The following ADAM23 variants were observed in gnomAD, a reference collection of about 807,000 sequenced individuals.
The protein encoded by ADAM23 is ADAM metallopeptidase domain 23, also known as disintegrin and metalloproteinase domain-containing protein 23.
ADAM23 carries 33 observed loss-of-function variants against 120.1 expected under a neutral mutation model. The observed-to-expected ratio is 0.27, with a 90% CI of 0.21 to 0.37. The LOEUF is 0.37. Ranked by LOEUF, ADAM23 falls within the 10% of genes least tolerant of loss-of-function variation. The probability of loss-of-function intolerance (pLI) is 1.00; values close to 1 mark genes in which losing one functional copy is unlikely to be tolerated. For missense variants in ADAM23, 862 were observed against 1,058.2 expected (o/e 0.81, Z 2.57); for synonymous variants, 367 against 375.2 (o/e 0.98, Z 0.25).
At chr2:206,554,204 A>G (rs1697592905) in intron 9 of ADAM23, among the ~76,000 whole-genome samples, 2 of 152,192 alleles carry the variant, frequency 1.3e-5, no homozygotes, top group African/African-American at 4.8e-5. Context: ...CTTATTTTCA[A>G]TAGGTATCAC....
At chr2:206,508,230 C>T (rs551237834) in intron 3 of ADAM23, among the ~76,000 whole-genome samples, 21 of 152,206 alleles carry the variant, frequency 1.4e-4, no homozygotes, top group Non-Finnish European at 2.4e-4. Context: ...GGGGTTTCAC[C>T]GTGTTAGCCA....
Position 206,563,060 on chromosome 2 carries a change from T to A in ADAM23, c.1345+767T>A, listed in dbSNP as rs546664665. Among the ~76,000 whole-genome samples, 15 of 152,360 alleles carry A rather than the reference T, an allele frequency of 9.8e-5. No homozygotes were observed. In the South Asian group the frequency reaches 1.4e-3, roughly 15 times the overall value. On this transcript the variant is annotated intron_variant, in intron 13 of 25. Transcript: ENST00000264377. ...AATCAGAATAAAAGTCAACCCAGAT[T>A]GTGTTTATCTTTATACAAACCCAGT...
At chr2:206,449,573 G>T (rs1333091969) in intron 2 of ADAM23, among the ~76,000 whole-genome samples, 4 of 152,172 alleles carry the variant, frequency 2.6e-5, no homozygotes, top group African/African-American at 4.8e-5. Flanking sequence ...TTTGAGACCA[G>T]CCTGGTCAAT....
At position 206,497,197 on chromosome 2, in the gene ADAM23, G is replaced by C. The variant is rs1046367042; in HGVS notation, c.509+15889G>C. The stretch of plus-strand genomic sequence containing the variant: ...TACCAAAGCCTGGCAGAGACACAAC[G>C]AAAAAAGAGAATTTTAGACCAATAT... On this transcript the variant is annotated intron_variant, in intron 3 of 25. Transcript: ENST00000264377. Among the ~76,000 whole-genome samples the C allele has an allele frequency of 3.3e-3, 495 of 151,800 alleles. 6 individuals carry two copies. The highest frequency in any genetic ancestry group is 0.011 in the African/African-American group (469 of 41,462).
At chr2:206,608,952 G>T (rs1698779518) in intron 24 of ADAM23, among the ~76,000 whole-genome samples, 2 of 152,246 alleles carry the variant, frequency 1.3e-5, no homozygotes, top group South Asian at 4.1e-4. Context: ...TGTTGTTAGG[G>T]GACACTGTAC....
At chr2:206,542,209 T>A (rs1697304798) in intron 5 of ADAM23, 75 bp downstream of exon 5, 1 of 1,441,144 alleles carries the variant, frequency 6.9e-7, no homozygotes, top group Admixed American at 1.7e-5. Flanking sequence ...TATATTTTAG[T>A]GACTCTTCCG....
In ADAM23 at chr2:206,476,129, C is replaced by T. The variant is rs545315484; in HGVS notation, c.433-5103C>T. On this transcript the variant is annotated intron_variant, in intron 2 of 25. Coordinates refer to ENST00000264377, the MANE Select transcript of ADAM23 (RefSeq NM_003812.4). ...CCGAGACCTGTAGCCCTCTTCTTTACGAAGTTGAATGTGAATCATTCCACT... is the reference window on the plus strand; with the variant it reads ...CCGAGACCTGTAGCCCTCTTCTTTATGAAGTTGAATGTGAATCATTCCACT... Among the ~76,000 whole-genome samples, 42 of 152,274 alleles carry T rather than the reference C, an allele frequency of 2.8e-4. 2 individuals are homozygous for T. In the South Asian group the frequency reaches 7.7e-3, roughly 28 times the overall value.
chr2:206,548,170 A>T, intron 7 of ADAM23, 111 bp from the exon 8 acceptor site: 1 of 915,862 alleles, frequency 1.1e-6, no homozygotes, highest in Non-Finnish European at 1.7e-6. Flanking sequence ...GCTTTTTTTC[A>T]CCTTAGTTTG....
intron 2 of ADAM23, among the ~76,000 whole-genome samples, chr2:206,449,689 G>C (rs910262378): frequency 6.6e-6 from 1 of 152,234 alleles, no homozygotes; most frequent in African/African-American, 2.4e-5. Flanking sequence ...AGAATCGCTT[G>C]ATCCCGGGAG....
chr2:206,456,985 C>T (rs148951503), intron 2 of ADAM23, among the ~76,000 whole-genome samples: 60 of 152,278 alleles, frequency 3.9e-4, no homozygotes, highest in African/African-American at 1.3e-3. Context: ...TAATTGTAAG[C>T]AGGCCTGCTA....
intron 2 of ADAM23, among the ~76,000 whole-genome samples, chr2:206,462,075 G>A (rs543090844): frequency 2.6e-5 from 4 of 152,192 alleles, no homozygotes; most frequent in South Asian, 4.2e-4. Context: ...CTGATTTGCC[G>A]CCAGGAAGTC....
At chr2:206,571,640 T>C in intron 16 of ADAM23, 87 bp from the exon 17 acceptor site, 1 of 886,748 alleles carries the variant, frequency 1.1e-6, no homozygotes, top group South Asian at 1.4e-5. Context: ...AATGTTCTCA[T>C]TTGGAATATG....
chr2:206,605,182 G>C (rs1698706819), intron 24 of ADAM23, among the ~76,000 whole-genome samples: 1 of 152,122 alleles, frequency 6.6e-6, no homozygotes, highest in South Asian at 2.1e-4. Flanking sequence ...CTTTCTATAA[G>C]TTTATCCACT....
In ADAM23 at chr2:206,481,107, A is replaced by G. The variant is rs187764512; in HGVS notation, c.433-125A>G. 15 of 607,962 alleles carry G rather than the reference A, an allele frequency of 2.5e-5. No individual in the cohort carries two copies. The East Asian group carries it at 4.5e-4, about 18-fold the overall frequency. The allele number at this position is 607,962 out of a possible 1,614,324, so 37.7% of individuals were successfully genotyped here. A position where few individuals can be genotyped will look rare whatever the true frequency, so the allele number is the denominator to read the frequency against. ...GTCTCCTAAAGAAATGAATTGCTAT[A>G]TGATGATACATAAGGAAATGAACTG... is the stretch of plus-strand genomic sequence containing the variant. On this transcript the variant is annotated intron_variant, in intron 2 of 25. Coordinates refer to ENST00000264377, the MANE Select transcript of ADAM23 (RefSeq NM_003812.4).
At chr2:206,489,106 T>C (rs1696076459) in intron 3 of ADAM23, among the ~76,000 whole-genome samples, 1 of 152,214 alleles carries the variant, frequency 6.6e-6, no homozygotes, top group Non-Finnish European at 1.5e-5. Flanking sequence ...CTGCCTCATT[T>C]TTCTCTTGTG....
intron 4 of ADAM23, among the ~76,000 whole-genome samples, chr2:206,538,014 C>T (rs567775246): frequency 2.2e-4 from 33 of 152,152 alleles, no homozygotes; most frequent in African/African-American, 7.2e-4. Context: ...GAAAGGAGCA[C>T]GGGGTTAAAA....
intron 21 of ADAM23, among the ~76,000 whole-genome samples, chr2:206,589,985 A>G (rs1013560155): frequency 1.3e-5 from 2 of 152,214 alleles, no homozygotes; most frequent in African/African-American, 4.8e-5. Flanking sequence ...CAGATATCTA[A>G]TATCTACACC....
chr2:206,512,568 A>T (rs1203975882), intron 3 of ADAM23, among the ~76,000 whole-genome samples: 2 of 152,264 alleles, frequency 1.3e-5, no homozygotes, highest in African/African-American at 4.8e-5. Context: ...TTCCTAGAAT[A>T]ACCCTTTTTA....
intron 3 of ADAM23, among the ~76,000 whole-genome samples, chr2:206,507,909 C>T (rs1016398019): frequency 1.3e-5 from 2 of 152,156 alleles, no homozygotes; most frequent in African/African-American, 4.8e-5. Flanking sequence ...ATCTGCAGAC[C>T]AATGATCCTG....
Sources: allele counts gnomAD v4.1 joint callset (sites outside exome capture counted in the v4.1 genomes callset), GRCh38; gene constraint gnomAD v4.1.1; transcripts MANE v1.5; gene names NCBI Gene and HGNC (gene_info 2026-07-23, HGNC 2026-07-21).